CCDC47: variants seen among roughly 807,000 people sequenced by gnomAD.
The protein encoded by CCDC47 is PAT complex subunit CCDC47.
In CCDC47, 41 loss-of-function variants were observed where a neutral mutation model predicts 60.5. The observed-to-expected ratio is 0.68, with a 90% CI of 0.53 to 0.88. The LOEUF is 0.88. CCDC47 is among the 40% of genes least tolerant of loss of function. The pLI is 0.00. For synonymous variants in CCDC47, 195 were observed against 190.7 expected, an observed-to-expected ratio of 1.02 and a Z score of -0.18; for missense variants, 513 against 580.9, an observed-to-expected ratio of 0.88 and a Z score of 1.20.
chr17:63,756,417 T>C, intron 7 of CCDC47, 52 bp downstream of exon 7: 3 of 1,573,538 alleles, frequency 1.9e-6, no homozygotes, highest in Non-Finnish European at 2.6e-6. Flanking sequence ...AATATGTGTG[T>C]GCTAAGGAGA....
chr17:63,759,230 T>C (rs1165793513), intron 6 of CCDC47, among the ~76,000 whole-genome samples: 2 of 151,924 alleles, frequency 1.3e-5, no homozygotes, highest in East Asian at 1.9e-4. Context: ...GACTCTTGCC[T>C]GTAATCCCAG....
In CCDC47 at chr17:63,752,811, G is replaced by A; in HGVS notation, c.1035-12C>T. ...AAGGCTGACCTTCCCTGTCATAAAA[G>A]AAAAGGCAATTAAGAAGGAATACAA... On this transcript the variant is annotated splice_polypyrimidine_tract_variant and intron_variant, in intron 9 of 12. Coordinates refer to ENST00000225726, the MANE Select transcript of CCDC47 (RefSeq NM_020198.3). 1 of 1,609,340 alleles carries A rather than the reference G, an allele frequency of 6.2e-7. No individual in the cohort carries two copies. The highest frequency in any genetic ancestry group is 8.5e-7 in the Non-Finnish European group (1 of 1,177,978).
In CCDC47 at chr17:63,760,998, G is replaced by T. The variant is rs1568249795; in HGVS notation, c.670-19C>A. 1 of 1,605,746 alleles carries T rather than the reference G, an allele frequency of 6.2e-7. No homozygotes were observed. The highest frequency in any genetic ancestry group is 8.5e-7 in the Non-Finnish European group (1 of 1,173,208). ...TGAGGAACTGAAAAAAATGAGAGAA[G>T]TAAGTAAATCCAACTGCAACTCCTA... On this transcript the variant is annotated intron_variant, in intron 5 of 12. Transcript: ENST00000225726.
At chr17:63,748,078 C>A (rs2039133912) in intron 12 of CCDC47, among the ~76,000 whole-genome samples, 1 of 151,364 alleles carries the variant, frequency 6.6e-6, no homozygotes, top group Non-Finnish European at 1.5e-5. Context: ...TGGTCTCAAA[C>A]TCCTGACCTC....
At chr17:63,758,858 T>G (rs1232574179) in intron 6 of CCDC47, among the ~76,000 whole-genome samples, 1 of 152,010 alleles carries the variant, frequency 6.6e-6, no homozygotes, top group Non-Finnish European at 1.5e-5. Flanking sequence ...GATGGGAAAT[T>G]ACACAAAGCA....
rs1258022292 is a variant in CCDC47, at chr17:63,746,562, T to A, written c.*319A>T. 1 of 211,516 alleles carries A rather than the reference T, an allele frequency of 4.7e-6. No homozygotes were observed. Among genetic ancestry groups the A allele is most frequent in the Non-Finnish European group, 9.5e-6 (1 of 105,306 alleles). The allele number at this position is 211,516 out of a possible 1,614,324, so 13.1% of individuals were successfully genotyped here. A position where few individuals can be genotyped will look rare whatever the true frequency, so the allele number is the denominator to read the frequency against. On this transcript the variant is annotated 3_prime_UTR_variant, in exon 13 of 13. Coordinates refer to ENST00000225726, the MANE Select transcript of CCDC47 (RefSeq NM_020198.3). ...CACGGTATTTCTTTAAACACTGAAG[T>A]ACTAAAAGCACTGATGATTTGTATT...
intron 8 of CCDC47, 148 bp from the exon 9 acceptor site, chr17:63,754,666 A>G: frequency 1.8e-6 from 1 of 554,196 alleles, no homozygotes; most frequent in South Asian, 2.2e-5. Context: ...TGAGGCAAGG[A>G]GTTTGAGAAT....
At chr17:63,766,431 C>CT (rs955695372) in intron 1 of CCDC47, among the ~76,000 whole-genome samples, 9 of 151,298 alleles carry the variant, frequency 5.9e-5, no homozygotes, top group Non-Finnish European at 7.4e-5. Context: ...TATTTAATTT[C>CT]TTTTTTTTTG....
intron 6 of CCDC47, among the ~76,000 whole-genome samples, chr17:63,756,981 A>C (rs1192926695): frequency 6.6e-6 from 1 of 152,086 alleles, no homozygotes; most frequent in African/African-American, 2.4e-5. Context: ...GGACTACAGT[A>C]GTTCGTGCCT....
chr17:63,771,016 G>GGAAA (rs2039335418), intron 1 of CCDC47, among the ~76,000 whole-genome samples: 1 of 63,586 alleles, frequency 1.6e-5, no homozygotes, highest in African/African-American at 4.0e-5. Context: ...AAGAAAGAAA[G>GGAAA]GAAGGAAGGA....
At chr17:63,752,625 A>G (rs1598305567) in intron 10 of CCDC47, 116 bp downstream of exon 10, 1 of 1,083,716 alleles carries the variant, frequency 9.2e-7, no homozygotes, top group Non-Finnish European at 1.3e-6. Flanking sequence ...TCAGTAAGCA[A>G]GCACAGGCTT....
At chr17:63,769,187 C>T (rs945285079) in intron 1 of CCDC47, among the ~76,000 whole-genome samples, 2 of 150,556 alleles carry the variant, frequency 1.3e-5, no homozygotes, top group Non-Finnish European at 3.0e-5. Context: ...GAGGTTGAGG[C>T]TTCAGTGAGC....
At chr17:63,748,775 G>A (rs1189686681) in intron 12 of CCDC47, among the ~76,000 whole-genome samples, 2 of 151,960 alleles carry the variant, frequency 1.3e-5, no homozygotes, top group Non-Finnish European at 2.9e-5. Flanking sequence ...ACTTTGGGAG[G>A]CTGAGGTGGG....
At chr17:63,750,989 T>C (rs4638645) in intron 12 of CCDC47, among the ~76,000 whole-genome samples, 105,809 of 151,096 alleles carry the variant, frequency 0.7, 38,493 homozygotes, top group African/African-American at 0.92. Context: ...ATCCTTCCAC[T>C]TCAGTCTCCC....
Position 63,761,299 on chromosome 17 carries a change from C to T in CCDC47, c.600G>A (p.Glu200=), listed in dbSNP as rs2039257856. 1 of 1,613,928 alleles carries T rather than the reference C, an allele frequency of 6.2e-7. No individual in the cohort carries two copies. Among genetic ancestry groups the T allele is most frequent in the Non-Finnish European group, 8.5e-7 (1 of 1,179,994 alleles). Residue 200 remains glutamate, a synonymous_variant, in exon 5 of 13, where the codon GAG becomes GAA. Coordinates refer to ENST00000225726, the MANE Select transcript of CCDC47 (RefSeq NM_020198.3). ...EATSTGKLNQ[E]NEHIYNLWCS... The stretch of plus-strand genomic sequence containing the variant: ...ACCACAGGTTATAGATGTGCTCATT[C>T]TCCTGGTTCAACTTTCCTGTGCTTG...
In CCDC47 at chr17:63,764,332, T is replaced by C. The variant is rs544239134; in HGVS notation, c.373-142A>G. On this transcript the variant is annotated intron_variant, in intron 3 of 12. Transcript: ENST00000225726. ...TTGAATAAGGTTATACTTTGAAAAA[T>C]AGGTCCATTTTACTTTTCTAGGCTA... 209 of 637,470 alleles carry C rather than the reference T, an allele frequency of 3.3e-4. 2 individuals carry two copies. The South Asian group carries it at 3.4e-3, about 10-fold the overall frequency. 39.5% of individuals were successfully genotyped at this position (637,470 alleles called of 1,614,324 possible). A position where few individuals can be genotyped will look rare whatever the true frequency, so the allele number is the denominator to read the frequency against.
chr17:63,748,596 T>TCC (rs1480602458), intron 12 of CCDC47, among the ~76,000 whole-genome samples: 1 of 152,116 alleles, frequency 6.6e-6, no homozygotes, highest in African/African-American at 2.4e-5. Context: ...GCACTATCTA[T>TCC]CCCTATCTCC....
At chr17:63,757,197 CAAAAA>C (rs201632430) in intron 6 of CCDC47, among the ~76,000 whole-genome samples, 1 of 99,872 alleles carries the variant, frequency 1.0e-5, no homozygotes, top group Admixed American at 1.0e-4. Context: ...CCCATCTGTA[CAAAAA>C]AAAAAAAAAA....
rs2039115182 is a variant in CCDC47 at position 63,745,624 on chromosome 17, A to C, written c.*1257T>G. On this transcript the variant is annotated 3_prime_UTR_variant, in exon 13 of 13. Coordinates refer to ENST00000225726, the MANE Select transcript of CCDC47 (RefSeq NM_020198.3). ...AGCAGCACATGCTGTTTTCACAGCAACTTGTTATTGCCTCAGAACAGGCCT... is the reference window on the plus strand; with the variant it reads ...AGCAGCACATGCTGTTTTCACAGCACCTTGTTATTGCCTCAGAACAGGCCT... 6.6e-6 allele frequency: 1 copy of C among 152,224 alleles called. No individual in the cohort carries two copies. Among genetic ancestry groups the C allele is most frequent in the African/African-American group, 2.4e-5 (1 of 41,458 alleles). 9.4% of individuals were successfully genotyped at this position (152,224 alleles called of 1,614,324 possible).
Sources: allele counts gnomAD v4.1 joint callset (sites outside exome capture counted in the v4.1 genomes callset), GRCh38; gene constraint gnomAD v4.1.1; transcripts MANE v1.5; gene names NCBI Gene and HGNC (gene_info 2026-07-23, HGNC 2026-07-21).